Variants in IHO1 observed in about 807,000 individuals in gnomAD.
IHO1 encodes interactor of HORMAD1 1.
A neutral mutation model predicts 31.0 loss-of-function variants in IHO1; 13 were observed. The observed-to-expected ratio is 0.42, with a 90% CI of 0.27 to 0.67. The LOEUF (loss-of-function observed/expected upper bound fraction) is 0.67, where lower values mean the gene tolerates loss of function less well. IHO1 is among the 30% of genes least tolerant of loss of function. IHO1 has a pLI of 0.24. For missense variants in IHO1, 599 were observed against 687.5 expected, an observed-to-expected ratio of 0.87 and a Z score of 1.44; for synonymous variants, 221 against 248.4, an observed-to-expected ratio of 0.89 and a Z score of 1.04.
chr3:49,197,537 A>G (rs2046006730), upstream of IHO1, among the ~76,000 whole-genome samples: 1 of 152,088 alleles, frequency 6.6e-6, no homozygotes, highest in Admixed American at 6.6e-5. Context: ...GTACAATTTG[A>G]TGCATTTCGA....
rs2046835314 is a variant in IHO1, at chr3:49,257,060, G to A, written c.1563G>A (p.Met521Ile). The A allele has an allele frequency of 6.2e-7, 1 of 1,614,076 alleles. No individual in the cohort carries two copies. Among genetic ancestry groups the A allele is most frequent in the Admixed American group, 1.7e-5 (1 of 59,994 alleles). Residue 521 changes from methionine to isoleucine, a missense_variant, in exon 8 of 8, where the codon ATG becomes ATA. By Grantham distance (10) the Met-to-Ile change is conservative. Transcript: ENST00000452691. ...PVCPILGGTV[M>I]PNKTVRAVQG... ...GCCCTATTCTGGGAGGAACAGTCAT[G>A]CCCAATAAGACAGTAAGGGCAGTGC... is the stretch of plus-strand genomic sequence containing the variant.
chr3:49,193,774 C>T (rs1454002746), upstream of IHO1, among the ~76,000 whole-genome samples: 1 of 151,318 alleles, frequency 6.6e-6, no homozygotes, highest in East Asian at 1.9e-4. Flanking sequence ...CCAGCCTGGC[C>T]AACATGGTGA....
intron 2 of IHO1, among the ~76,000 whole-genome samples, chr3:49,234,354 A>T (rs1220837877): frequency 3.4e-5 from 5 of 148,996 alleles, no homozygotes; most frequent in East Asian, 2.0e-4. Context: ...TTTTTTTTTT[A>T]ATTTTAGTAG....
At position 49,224,209 on chromosome 3, in the gene IHO1, C is replaced by T. The variant is rs185468979; in HGVS notation, c.57-12339C>T. On this transcript the variant is annotated intron_variant, in intron 2 of 7. Coordinates refer to ENST00000452691, the MANE Select transcript of IHO1 (RefSeq NM_001135197.2). Reference sequence around the variant, plus strand: ...ATGAAAGTCCCCATTCTGTTTCAGTCGGGGAATACTGGGGCTTAATCTCGT... The same window carrying T: ...ATGAAAGTCCCCATTCTGTTTCAGTTGGGGAATACTGGGGCTTAATCTCGT... Among the ~76,000 whole-genome samples the T allele has an allele frequency of 1.9e-3, 284 of 152,302 alleles. 7 individuals are homozygous for T. The highest frequency in any genetic ancestry group is 6.8e-3 in the Middle Eastern group (2 of 294).
chr3:49,243,139 CTTTTG>C (rs779558186), intron 4 of IHO1, among the ~76,000 whole-genome samples: 61 of 151,782 alleles, frequency 4.0e-4, no homozygotes, highest in Admixed American at 2.2e-3. Context: ...AATTCTTTGG[CTTTTG>C]TTTTGTTTTG....
chr3:49,224,918 T>G (rs866034114), intron 2 of IHO1, among the ~76,000 whole-genome samples: 1 of 152,242 alleles, frequency 6.6e-6, no homozygotes, highest in South Asian at 2.1e-4. Context: ...GGCAGTTGTC[T>G]GATAGCGATA....
At chr3:49,202,666 G>A (rs911137848) in intron 1 of IHO1, among the ~76,000 whole-genome samples, 1 of 150,446 alleles carries the variant, frequency 6.6e-6, no homozygotes, top group Non-Finnish European at 1.5e-5. Context: ...GTGAACCACC[G>A]CACCCAGCCA....
intron 1 of IHO1, among the ~76,000 whole-genome samples, chr3:49,210,029 C>CTTTT (rs966102422): frequency 5.9e-5 from 8 of 136,576 alleles, no homozygotes; most frequent in Non-Finnish European, 7.9e-5. Flanking sequence ...TTCTTTCTTT[C>CTTTT]TTTTTTTTTT....
chr3:49,219,432 G>A (rs558619726), intron 2 of IHO1, among the ~76,000 whole-genome samples: 11 of 152,260 alleles, frequency 7.2e-5, no homozygotes, highest in African/African-American at 2.2e-4. Context: ...TTTGTTTCCC[G>A]TAAGGAATAC....
At chr3:49,255,082 A>T (rs1024975454) in intron 6 of IHO1, among the ~76,000 whole-genome samples, 2 of 151,976 alleles carry the variant, frequency 1.3e-5, no homozygotes, top group Non-Finnish European at 2.9e-5. Flanking sequence ...AAAAGAAAAA[A>T]AGTTTCAATG....
intron 1 of IHO1, among the ~76,000 whole-genome samples, chr3:49,206,375 C>T (rs1236371950): frequency 2.6e-5 from 4 of 151,852 alleles, no homozygotes; most frequent in South Asian, 2.1e-4. Flanking sequence ...GGATTACAGG[C>T]GTGAGCCACC....
At chr3:49,230,773 A>T (rs937022188) in intron 2 of IHO1, among the ~76,000 whole-genome samples, 2 of 152,176 alleles carry the variant, frequency 1.3e-5, no homozygotes, top group East Asian at 3.8e-4. Context: ...AAGTAACCAT[A>T]TGTAGGGATC....
chr3:49,195,675 C>T (rs1559432643), upstream of IHO1, among the ~76,000 whole-genome samples: 2 of 151,574 alleles, frequency 1.3e-5, no homozygotes, highest in African/African-American at 4.8e-5. Context: ...GATCACGCCA[C>T]TGCACTCCAG....
intron 3 of IHO1, among the ~76,000 whole-genome samples, chr3:49,239,715 T>G (rs1163796376): frequency 6.8e-6 from 1 of 147,306 alleles, no homozygotes; most frequent in Non-Finnish European, 1.5e-5. Flanking sequence ...CAGACTGGAG[T>G]GCAATGGTAC....
intron 1 of IHO1, among the ~76,000 whole-genome samples, chr3:49,200,104 C>T (rs1156623590): frequency 6.6e-6 from 1 of 152,116 alleles, no homozygotes; most frequent in Non-Finnish European, 1.5e-5. Flanking sequence ...AGTAAGAGAC[C>T]TGATTTTTTC....
At chr3:49,191,714 G>A in the IHO1 span, 1 of 1,593,972 alleles carries the variant, frequency 6.3e-7, no homozygotes, top group East Asian at 2.2e-5. Context: ...AGAGGGCCAG[G>A]GGCCAGGATT....
chr3:49,216,902 TGTC>T (rs1395135224), intron 2 of IHO1, among the ~76,000 whole-genome samples: 2 of 152,190 alleles, frequency 1.3e-5, no homozygotes, highest in Non-Finnish European at 2.9e-5. Context: ...CATCATCACT[TGTC>T]GTCAGAGAAA....
rs763982888 is a variant in IHO1, at chr3:49,255,499, T to G, written c.636+6T>G. 6.3e-7 allele frequency: 1 copy of G among 1,577,352 alleles called. No homozygotes were observed. The highest frequency in any genetic ancestry group is 8.6e-7 in the Non-Finnish European group (1 of 1,162,490). On this transcript the variant is annotated splice_donor_region_variant and intron_variant, in intron 7 of 7. Coordinates refer to ENST00000452691, the MANE Select transcript of IHO1 (RefSeq NM_001135197.2). ...TGAAGAAAAGATTTGAAGCTGTAAG[T>G]GTAAACCCCAACCTCTTTCTAAGTG...
At chr3:49,242,766 T>C (rs540555257) in intron 4 of IHO1, among the ~76,000 whole-genome samples, 1 of 152,014 alleles carries the variant, frequency 6.6e-6, no homozygotes, top group African/African-American at 2.4e-5. Flanking sequence ...GATTGCACCA[T>C]TGCACTACAG....
Sources: gnomAD v4.1 joint callset for allele counts (sites outside exome capture counted in the v4.1 genomes callset) on GRCh38, gnomAD v4.1.1 for gene constraint, MANE v1.5 for transcripts, NCBI Gene and HGNC (gene_info 2026-07-23, HGNC 2026-07-21) for gene names.